Variants in SEMA6B observed in about 807,000 individuals in gnomAD.
SEMA6B encodes semaphorin-6B.
In SEMA6B, 47 loss-of-function variants were observed where a neutral mutation model predicts 78.6. The observed-to-expected ratio is 0.60, with a 90% confidence interval of 0.47 to 0.76. SEMA6B has a LOEUF of 0.76. SEMA6B is among the 30% of genes least tolerant of loss of function. The pLI, the probability that SEMA6B is intolerant of heterozygous loss-of-function variation, is 0.00. For missense variants in SEMA6B, 1,213 were observed against 1,269.9 expected, an observed-to-expected ratio of 0.96 and a Z score of 0.68; for synonymous variants, 632 against 592.2, an observed-to-expected ratio of 1.07 and a Z score of -0.98.
At position 4,552,707 on chromosome 19, in the gene SEMA6B, GC is replaced by G; in HGVS notation, c.772-69del. On this transcript the variant is annotated intron_variant, in intron 9 of 16. Coordinates refer to ENST00000586582, the MANE Select transcript of SEMA6B (RefSeq NM_032108.4). This position sits in a 1 kb window ranked among gnomAD's most constrained non-coding sequence, Gnocchi z 7.4. Reference sequence around the variant, plus strand: ...CCAGGAAGGCCTGTTCACAGGCTGTGCCACTCACCACCCAAACTGTGATGGA... The same window carrying G: ...CCAGGAAGGCCTGTTCACAGGCTGTGCACTCACCACCCAAACTGTGATGGA... 7.0e-7 allele frequency: 1 copy of G among 1,435,746 alleles called. No individual in the cohort carries two copies. The allele number at this position is 1,435,746 out of a possible 1,614,324, so 88.9% of individuals were successfully genotyped here.
At position 4,546,453 on chromosome 19, in the gene SEMA6B, G is replaced by T; in HGVS notation, c.1618C>A (p.Gln540Lys). The part of the protein sequence containing the change: ...SGCMKNCIGS[Q>K]DPYCGWAPDG... ...GGGGCCCACCCGCAGTAGGGGTCCT[G>T]ACTGCCGATACAGTTCCTAGAGCAG... The change falls in exon 15 of 17, where the codon CAG becomes AAG. Residue 540 changes from glutamine (Q) to lysine (K), a missense_variant. By Grantham distance (53) the Gln-to-Lys change is moderately conservative. Coordinates refer to ENST00000586582, the MANE Select transcript of SEMA6B (RefSeq NM_032108.4). 1 of 1,568,380 alleles carries T rather than the reference G, an allele frequency of 6.4e-7. No homozygotes were observed. The highest frequency in any genetic ancestry group is 1.2e-5 in the South Asian group (1 of 85,424).
chr19:4,555,456 G>C lies in SEMA6B; in HGVS notation c.562+18C>G, dbSNP rs776260187. 3.7e-6 allele frequency: 6 copies of C among 1,604,146 alleles called. No individual in the cohort carries two copies. In the South Asian group the frequency reaches 6.6e-5, roughly 18 times the overall value. On this transcript the variant is annotated intron_variant, in intron 7 of 16. Transcript: ENST00000586582. The surrounding 1 kb of genome is among the most constrained non-coding windows in gnomAD (Gnocchi z 6.1). ...CTGTGGCTGGGGCTGATCAGATGGA[G>C]GTTGGGGGGGTACTTACCAGAGAAG...
In SEMA6B at chr19:4,548,365, G is replaced by A. The variant is rs145507498; in HGVS notation, c.1352C>T (p.Ala451Val). The change falls in exon 13 of 17, where the codon GCG becomes GTG. Residue 451 changes from alanine to valine, a missense_variant. Transcript: ENST00000586582. ...NQTVVFLGSE[A>V]GTVLKFLVRP... is the part of the protein sequence containing the mutation. ...GACGAGGAACTTGAGGACCGTCCCC[G>A]CCTCAGAACCCAGGAAGACAACGGT... 2.5e-5 allele frequency: 41 copies of A among 1,613,722 alleles called. No homozygotes were observed. Among genetic ancestry groups the A allele is most frequent in the African/African-American group, 6.7e-5 (5 of 74,912 alleles).
chr19:4,546,908 G>A (rs1038759865), intron 14 of SEMA6B, among the ~76,000 whole-genome samples: 6 of 151,656 alleles, frequency 4.0e-5, no homozygotes, highest in African/African-American at 2.4e-5. Context: ...GAGCCACCAC[G>A]GCTGGCGTTT....
In SEMA6B at chr19:4,548,269, G is replaced by T. The variant is rs558646806; in HGVS notation, c.1448C>A (p.Pro483Gln). The T allele has an allele frequency of 1.9e-6, 3 of 1,607,708 alleles. No homozygotes were observed. The highest frequency in any genetic ancestry group is 2.2e-5 in the East Asian group (1 of 44,646). Residue 483 changes from proline to glutamine, a missense_variant, in exon 13 of 17, where the codon CCG becomes CAG. Pro to Gln is a moderately conservative substitution (Grantham distance 76, BLOSUM62 -1). Coordinates refer to ENST00000586582, the MANE Select transcript of SEMA6B (RefSeq NM_032108.4). ...CACCTTTGCCCAGACTTACCTGTCC[G>T]GCCGGTAGGTCTCAAACTCCTCCAG... ...VFLEEFETYR[P>Q]DRCGRPGGGE...
chr19:4,544,515 T>G lies in SEMA6B; in HGVS notation c.1753A>C (p.Ser585Arg), dbSNP rs1487143306. ...LGDCTGLLRA[S>R]LSEDRAGLVS... ...AGCCCCGCGCGGTCCTCGGAGAGGC[T>G]GGCCCGCAGGAGTCCTGGCCGGGGA... is the stretch of plus-strand genomic sequence containing the variant. The change falls in exon 17 of 17, where the codon AGC (serine) becomes CGC (arginine). Residue 585 changes from serine (S) to arginine (R), a missense_variant. By Grantham distance (110) the Ser-to-Arg change is moderately radical. Coordinates refer to ENST00000586582, the MANE Select transcript of SEMA6B (RefSeq NM_032108.4). The surrounding 1 kb of genome is among the most constrained non-coding windows in gnomAD (Gnocchi z 5.1). 5.2e-6 allele frequency: 8 copies of G among 1,544,412 alleles called. No homozygotes were observed. Among genetic ancestry groups the G allele is most frequent in the Non-Finnish European group, 7.0e-6 (8 of 1,143,570 alleles).
chr19:4,546,246 C>T lies in SEMA6B; in HGVS notation c.1708G>A (p.Ala570Thr), dbSNP rs775703511. Residue 570 changes from alanine to threonine, a missense_variant, in exon 16 of 17, where the codon GCC (alanine) becomes ACC (threonine). Physicochemically the swap from Ala to Thr is moderately conservative, Grantham distance 58. Transcript: ENST00000586582. Reference protein sequence around the residue: ...RAAFEQDVSGASTSGLGDCTG... With the variant: ...RAAFEQDVSGTSTSGLGDCTG... ...CAGTCCCCTAAGCCTGAGGTGCTGG[C>T]CCCGGACACGTCCTGCTCAAAGGCG... 2.5e-6 allele frequency: 4 copies of T among 1,612,910 alleles called. No homozygotes were observed. The highest frequency in any genetic ancestry group is 1.7e-5 in the Admixed American group (1 of 59,994).
intron 12 of SEMA6B, among the ~76,000 whole-genome samples, chr19:4,549,504 A>T (rs1407277567): frequency 8.6e-6 from 1 of 115,728 alleles, no homozygotes; most frequent in African/African-American, 3.5e-5. Context: ...TTTGAGACGG[A>T]GTTTCGCTCT....
At position 4,544,237 on chromosome 19, in the gene SEMA6B, C is replaced by CG; in HGVS notation, c.2030dup (p.Glu678GlyfsTer346). On this transcript the variant is annotated frameshift_variant, in exon 17 of 17. Transcript: ENST00000586582. LOFTEE classifies it high-confidence loss of function. The surrounding 1 kb of genome is among the most constrained non-coding windows in gnomAD (Gnocchi z 5.1). Reference sequence around the variant, plus strand: ...GCATCAGGGGCGCCAGCAGGGCCTCCGGGGGAACCCCGGCGCCACCGCCAC... The same window carrying CG: ...GCATCAGGGGCGCCAGCAGGGCCTCCGGGGGGAACCCCGGCGCCACCGCCAC... 1.6e-6 allele frequency: 2 copies of CG among 1,276,668 alleles called. No individual in the cohort carries two copies. The highest frequency in any genetic ancestry group is 2.0e-6 in the Non-Finnish European group (2 of 1,014,876). The allele number at this position is 1,276,668 out of a possible 1,614,324, so 79.1% of individuals were successfully genotyped here. A position where few individuals can be genotyped will look rare whatever the true frequency, so the allele number is the denominator to read the frequency against.
At position 4,550,175 on chromosome 19, in the gene SEMA6B, C is replaced by G. The variant is rs202093015; in HGVS notation, c.1219G>C (p.Glu407Gln). The change falls in exon 12 of 17, where the codon GAG (glutamate) becomes CAG (glutamine). Residue 407 changes from glutamate (E) to glutamine (Q), a missense_variant. Coordinates refer to ENST00000586582, the MANE Select transcript of SEMA6B (RefSeq NM_032108.4). This position sits in a 1 kb window ranked among gnomAD's most constrained non-coding sequence, Gnocchi z 6.6. ...NFVKTHPLMDEAVPSLGHAPW... is the reference protein window; with the variant it reads ...NFVKTHPLMDQAVPSLGHAPW... ...GCATGGCCCAGCGAGGGCACCGCCTCGTCCATCAGAGGGTGGGTCTTGACA... is the reference window on the plus strand; with the variant it reads ...GCATGGCCCAGCGAGGGCACCGCCTGGTCCATCAGAGGGTGGGTCTTGACA... 2 of 1,613,832 alleles carry G rather than the reference C, an allele frequency of 1.2e-6. No homozygotes were observed. The highest frequency in any genetic ancestry group is 2.2e-5 in the South Asian group (2 of 91,090).
chr19:4,557,065 T>G (rs1303528729), intron 4 of SEMA6B, 52 bp from the exon 5 acceptor site: 1 of 1,597,478 alleles, frequency 6.3e-7, no homozygotes, highest in South Asian at 1.1e-5. Flanking sequence ...CAGCCCTGAG[T>G]GACCCCGCCG....
In SEMA6B at chr19:4,544,102, A is replaced by G. The variant is rs544810766; in HGVS notation, c.2166T>C (p.Thr722=). 1.3e-4 allele frequency: 164 copies of G among 1,265,980 alleles called. 3 individuals are homozygous for G. The African/African-American group carries it at 1.9e-3, about 15-fold the overall frequency. The allele number at this position is 1,265,980 out of a possible 1,614,324, so 78.4% of individuals were successfully genotyped here. The change falls in exon 17 of 17, where the codon ACT becomes ACC. Residue 722 remains threonine (T), a synonymous_variant. Transcript: ENST00000586582. This position sits in a 1 kb window ranked among gnomAD's most constrained non-coding sequence, Gnocchi z 5.1. The part of the protein sequence containing the change: ...QTPLPQKRLP[T]PHPHPHALGP... ...CCAGGGCGTGGGGGTGCGGGTGCGG[A>G]GTGGGCAGGCGCTTCTGCGGCAGCG...
chr19:4,543,170 G>C lies in SEMA6B; in HGVS notation c.*431C>G, dbSNP rs1040967517. 6 of 596,672 alleles carry C rather than the reference G, an allele frequency of 1.0e-5. No homozygotes were observed. The Admixed American group carries it at 1.8e-4, about 18-fold the overall frequency. 37.0% of individuals were successfully genotyped at this position (596,672 alleles called of 1,614,324 possible). A position where few individuals can be genotyped will look rare whatever the true frequency, so the allele number is the denominator to read the frequency against. Reference sequence around the variant, plus strand: ...CACACACGCCAGGGGCCTGGGTTGGGGAGGGACCTTTCCAGGGGTGGGGGA... The same window carrying C: ...CACACACGCCAGGGGCCTGGGTTGGCGAGGGACCTTTCCAGGGGTGGGGGA... On this transcript the variant is annotated 3_prime_UTR_variant, in exon 17 of 17. Coordinates refer to ENST00000586582, the MANE Select transcript of SEMA6B (RefSeq NM_032108.4).
Position 4,555,386 on chromosome 19 carries a change from C to T in SEMA6B, c.562+88G>A. The T allele has an allele frequency of 8.2e-7, 1 of 1,225,326 alleles. No individual in the cohort carries two copies. The highest frequency in any genetic ancestry group is 1.2e-6 in the Non-Finnish European group (1 of 863,570). 75.9% of individuals were successfully genotyped at this position (1,225,326 alleles called of 1,614,324 possible). A position where few individuals can be genotyped will look rare whatever the true frequency, so the allele number is the denominator to read the frequency against. On this transcript the variant is annotated intron_variant, in intron 7 of 16. Coordinates refer to ENST00000586582, the MANE Select transcript of SEMA6B (RefSeq NM_032108.4). The surrounding 1 kb of genome is among the most constrained non-coding windows in gnomAD (Gnocchi z 6.1). ...CTGGGACAAGTGGTCGTCCAGCTGC[C>T]TTCTAAACAACCCAGACGCTGGAGT...
At position 4,559,560 on chromosome 19, in the gene SEMA6B, C is replaced by A. The variant is rs1441180614; in HGVS notation, c.-63G>T. 6.6e-6 allele frequency: 1 copy of A among 152,164 alleles called. No homozygotes were observed. Among genetic ancestry groups the A allele is most frequent in the East Asian group, 1.9e-4 (1 of 5,192 alleles). The allele number at this position is 152,164 out of a possible 1,614,324, so 9.4% of individuals were successfully genotyped here. A position where few individuals can be genotyped will look rare whatever the true frequency, so the allele number is the denominator to read the frequency against. On this transcript the variant is annotated 5_prime_UTR_variant, in exon 1 of 17. Coordinates refer to ENST00000586582, the MANE Select transcript of SEMA6B (RefSeq NM_032108.4). ...AGGGGTACAGTCCAGGTCCCGGAGC[C>A]CCGAATGAGAAGTTCAGCAGCCTCG...
At position 4,550,846 on chromosome 19, in the gene SEMA6B, G is replaced by T. The variant is rs10422855; in HGVS notation, c.1074C>A (p.Pro358=). The T allele has an allele frequency of 3.2e-3, 5,214 of 1,613,496 alleles. 163 individuals carry two copies. The African/African-American group carries it at 0.061, about 19-fold the overall frequency. Residue 358 remains proline, a synonymous_variant, in exon 11 of 17, where the codon CCC becomes CCA. Transcript: ENST00000586582. The surrounding 1 kb of genome is among the most constrained non-coding windows in gnomAD (Gnocchi z 6.6). ...FEGRFREQKS[P]ESIWTPVPED... is the part of the protein sequence containing the mutation. The stretch of plus-strand genomic sequence containing the variant: ...CCGGCACCGGCGTCCAGATGGACTC[G>T]GGGGACTTCTGCTCTCGGAAGCGGC...
chr19:4,556,490 G>A (rs573221779), intron 5 of SEMA6B, among the ~76,000 whole-genome samples: 268 of 150,768 alleles, frequency 1.8e-3, no homozygotes, highest in Non-Finnish European at 3.3e-3. Flanking sequence ...AGCTGGTGGG[G>A]TGGGCGTGGC....
Position 4,558,161 on chromosome 19 carries a change from G to T in SEMA6B, c.122-12C>A, listed in dbSNP as rs1443007459. ...ATAGTGGTTCAGGTCTGAGTGAGGG[G>T]GTGGAGAGGGGTGTGAGCAAGGGCT... is the stretch of plus-strand genomic sequence containing the variant. On this transcript the variant is annotated splice_polypyrimidine_tract_variant and intron_variant, in intron 2 of 16. Transcript: ENST00000586582. This position sits in a 1 kb window ranked among gnomAD's most constrained non-coding sequence, Gnocchi z 5.1. 1 of 1,439,212 alleles carries T rather than the reference G, an allele frequency of 6.9e-7. No homozygotes were observed. The highest frequency in any genetic ancestry group is 2.3e-5 in the Admixed American group (1 of 42,704). 89.2% of individuals were successfully genotyped at this position (1,439,212 alleles called of 1,614,324 possible). A position where few individuals can be genotyped will look rare whatever the true frequency, so the allele number is the denominator to read the frequency against.
chr19:4,551,935 A>T (rs907548948), intron 10 of SEMA6B, among the ~76,000 whole-genome samples: 1 of 152,106 alleles, frequency 6.6e-6, no homozygotes, highest in Admixed American at 6.5e-5. Context: ...TCTCAGGGAA[A>T]AAGTCCAAGT....
Sources: allele counts gnomAD v4.1 joint callset (sites outside exome capture counted in the v4.1 genomes callset), GRCh38; gene constraint gnomAD v4.1.1; non-coding constraint Gnocchi (gnomAD v3.1); transcripts MANE v1.5; gene names NCBI Gene and HGNC (gene_info 2026-07-23, HGNC 2026-07-21).